KALRN: variants seen among roughly 807,000 people sequenced by gnomAD.
KALRN encodes the protein kalirin.
In KALRN, 70 loss-of-function variants were observed where a neutral mutation model predicts 353.7. That is an observed-to-expected ratio of 0.20 (90% confidence interval 0.16 to 0.24). The LOEUF (loss-of-function observed/expected upper bound fraction) is 0.24. KALRN is among the 10% of genes least tolerant of loss of function. The probability of loss-of-function intolerance (pLI) is 1.00; values close to 1 mark genes in which losing one functional copy is unlikely to be tolerated. For missense variants in KALRN, 2,791 were observed against 3,756.7 expected, an observed-to-expected ratio of 0.74 and a Z score of 6.72; for synonymous variants, 1,391 against 1,434.8, an observed-to-expected ratio of 0.97 and a Z score of 0.69.
intron 10 of KALRN, among the ~76,000 whole-genome samples, chr3:124,364,246 A>G (rs957988577): frequency 6.6e-6 from 1 of 152,190 alleles, no homozygotes; most frequent in African/African-American, 2.4e-5. Flanking sequence ...TGTGAGGATT[A>G]TGGTATAGTC....
At chr3:124,519,132 G>T (rs775357098) in intron 33 of KALRN, 92 of 985,340 alleles carry the variant, frequency 9.3e-5, no homozygotes, top group Non-Finnish European at 1.1e-4. Context: ...CCCTCCCGAG[G>T]TCTCTGGTTC....
intron 1 of KALRN, among the ~76,000 whole-genome samples, chr3:124,121,215 G>A (rs1336553437): frequency 6.6e-6 from 1 of 151,994 alleles, no homozygotes; most frequent in African/African-American, 2.4e-5. Flanking sequence ...AGATGCAGGA[G>A]TATAAACAGT....
intron 10 of KALRN, among the ~76,000 whole-genome samples, chr3:124,361,062 C>G (rs952458714): frequency 2.0e-5 from 3 of 152,066 alleles, no homozygotes; most frequent in African/African-American, 7.2e-5. Context: ...TGAAACAGCT[C>G]TATAGATTTA....
chr3:124,434,234 G>A (rs749336435), intron 16 of KALRN, 73 bp from the exon 17 acceptor site: 18 of 1,100,256 alleles, frequency 1.6e-5, no homozygotes, highest in South Asian at 1.2e-4. Flanking sequence ...TTTCACTCAC[G>A]CCTCACTCCA....
In KALRN at chr3:124,569,793, C is replaced by T. The variant is rs141922588; in HGVS notation, c.5182+6704C>T. On this transcript the variant is annotated intron_variant, in intron 34 of 59. Transcript: ENST00000682506. ...TTACACATACCCACCTTCCCACTCT[C>T]CCTCTCACCTCTGGCCCCAAATGCC... Among the ~76,000 whole-genome samples the T allele has an allele frequency of 4.6e-5, 7 of 152,330 alleles. No homozygotes were observed. The East Asian group carries it at 1.3e-3, about 29-fold the overall frequency.
rs1259808251 is a variant in KALRN, at chr3:124,368,481, G to A, written c.1771-16364G>A. Among the ~76,000 whole-genome samples the A allele has an allele frequency of 1.3e-3, 192 of 148,804 alleles. 1 individual carries two copies. The highest frequency in any genetic ancestry group is 4.7e-3 in the African/African-American group (190 of 40,240). ...AGACGATGGGCGGCCGGGCAGAGAC[G>A]CTCCTCACTTCCTAGATGTGATGGT... On this transcript the variant is annotated intron_variant, in intron 10 of 59. Transcript: ENST00000682506.
intron 55 of KALRN, among the ~76,000 whole-genome samples, chr3:124,698,792 A>C (rs1322049666): frequency 6.6e-6 from 1 of 152,214 alleles, no homozygotes; most frequent in Non-Finnish European, 1.5e-5. Context: ...AAAATTGTGC[A>C]ATTTAAACTG....
Position 124,667,154 on chromosome 3 carries a change from T to A in KALRN, c.6674T>A (p.Val2225Asp). Residue 2225 changes from valine to aspartate, a missense_variant, in exon 47 of 60, where the codon GTC (valine) becomes GAC (aspartate). Around this residue, in one of 11 missense-constraint regions of KALRN, gnomAD observed 1,065 missense variants for 1,156.4 expected, o/e 0.92. Coordinates refer to ENST00000682506, the MANE Select transcript of KALRN (RefSeq NM_001388419.1). ...QQAWVQDINQ[V>D]LETQRDFLNA... ...GCCTGGGTGCAGGACATCAATCAAG[T>A]CTTAGAAACACAGCGAGACTTTTTG... 1 of 1,614,040 alleles carries A rather than the reference T, an allele frequency of 6.2e-7. No homozygotes were observed. Among genetic ancestry groups the A allele is most frequent in the Non-Finnish European group, 8.5e-7 (1 of 1,179,964 alleles).
At chr3:124,523,856 C>CT (rs1164742201) in intron 33 of KALRN, among the ~76,000 whole-genome samples, 7 of 152,202 alleles carry the variant, frequency 4.6e-5, no homozygotes, top group African/African-American at 1.7e-4. Context: ...AGCTATCTTC[C>CT]TTCTGCTTCT....
chr3:124,491,285 C>T lies in KALRN; in HGVS notation c.4588-38C>T, dbSNP rs754393435. The T allele has an allele frequency of 2.7e-5, 39 of 1,431,526 alleles. 1 individual carries two copies. The South Asian group carries it at 5.2e-4, about 19-fold the overall frequency. 88.7% of individuals were successfully genotyped at this position (1,431,526 alleles called of 1,614,324 possible). A position where few individuals can be genotyped will look rare whatever the true frequency, so the allele number is the denominator to read the frequency against. On this transcript the variant is annotated intron_variant, in intron 30 of 59. Transcript: ENST00000682506. ...CAGCCCTAAGTTTCCCCACTGCCCT[C>T]CCCTTCCCCGCCTCTCATAGGCATT... is the stretch of plus-strand genomic sequence containing the variant.
At chr3:124,502,446 A>G (rs683594) in intron 33 of KALRN, among the ~76,000 whole-genome samples, 143,166 of 152,190 alleles carry the variant, frequency 0.94, 67,970 homozygotes, top group East Asian at 1. Flanking sequence ...TGCCCTGGCA[A>G]GAAAGGGGAT....
chr3:124,272,558 G>A (rs897251067), intron 5 of KALRN, among the ~76,000 whole-genome samples: 14 of 151,968 alleles, frequency 9.2e-5, no homozygotes, highest in African/African-American at 2.2e-4. Context: ...GGGAGTGGGC[G>A]AATGTGCACG....
chr3:124,408,494 C>T (rs985097214), intron 13 of KALRN, among the ~76,000 whole-genome samples: 2 of 152,216 alleles, frequency 1.3e-5, no homozygotes, highest in African/African-American at 4.8e-5. Context: ...GCTTTCATTT[C>T]CTCCTATAGT....
At chr3:124,653,295 A>G (rs2083621498) in intron 38 of KALRN, among the ~76,000 whole-genome samples, 1 of 152,182 alleles carries the variant, frequency 6.6e-6, no homozygotes, top group Non-Finnish European at 1.5e-5. Flanking sequence ...TTTGTCCAGG[A>G]GAAGAAAAAA....
chr3:124,247,203 G>A (rs972070501), intron 3 of KALRN, among the ~76,000 whole-genome samples: 8 of 152,180 alleles, frequency 5.3e-5, no homozygotes, highest in African/African-American at 1.9e-4. Flanking sequence ...GAGTACCTGA[G>A]CTCAGTTGCC....
At chr3:124,190,590 T>C (rs2150307130) in intron 1 of KALRN, among the ~76,000 whole-genome samples, 1 of 152,332 alleles carries the variant, frequency 6.6e-6, no homozygotes, top group South Asian at 2.1e-4. Context: ...AGATGACTTA[T>C]CTTTGCTCCA....
At chr3:124,611,692 T>C (rs921583900) in intron 34 of KALRN, among the ~76,000 whole-genome samples, 2 of 152,340 alleles carry the variant, frequency 1.3e-5, no homozygotes, top group Non-Finnish European at 2.9e-5. Flanking sequence ...TCCCATTGCA[T>C]TGGGGATAAA....
At chr3:124,085,583 C>A (rs2060771036) in intron 1 of KALRN, among the ~76,000 whole-genome samples, 3 of 152,174 alleles carry the variant, frequency 2.0e-5, no homozygotes, top group African/African-American at 7.2e-5. Context: ...CCTGTGGGTT[C>A]TCTGAAGACC....
chr3:124,586,320 A>G (rs1306268913), intron 34 of KALRN, among the ~76,000 whole-genome samples: 1 of 152,132 alleles, frequency 6.6e-6, no homozygotes, highest in Non-Finnish European at 1.5e-5. Flanking sequence ...CCCCGCAAAG[A>G]GTTTCTCTGC....
Sources: allele counts gnomAD v4.1 joint callset (sites outside exome capture counted in the v4.1 genomes callset), GRCh38; gene constraint gnomAD v4.1.1; regional missense constraint gnomAD v4.1.1; transcripts MANE v1.5; gene names NCBI Gene and HGNC (gene_info 2026-07-23, HGNC 2026-07-21).